Variants in OLFML1 observed in about 807,000 individuals in gnomAD.
OLFML1 encodes the protein olfactomedin like 1.
Under a neutral mutation model 37.3 loss-of-function variants are expected in OLFML1, and 33 were observed. The observed-to-expected ratio is 0.88, with a 90% CI of 0.67 to 1.18. The LOEUF is 1.18. OLFML1 is among the 50% of genes most tolerant of loss of function. OLFML1 has a pLI of 0.00. For synonymous variants in OLFML1, 186 were observed against 181.3 expected, an observed-to-expected ratio of 1.03 and a Z score of -0.21; for missense variants, 545 against 483.7, an observed-to-expected ratio of 1.13 and a Z score of -1.19.
At chr11:7,493,170 G>T (rs2134178063) in intron 2 of OLFML1, among the ~76,000 whole-genome samples, 1 of 152,302 alleles carries the variant, frequency 6.6e-6, no homozygotes, top group South Asian at 2.1e-4. Context: ...TGCACAAAAA[G>T]TTACCTCAAG....
intron 2 of OLFML1, chr11:7,504,974 C>T (rs1279164096): frequency 6.7e-6 from 1 of 150,122 alleles, no homozygotes; most frequent in East Asian, 1.9e-4. Flanking sequence ...CTCACTCAGG[C>T]TGGAAAGCAG....
In OLFML1 at chr11:7,497,002, C is replaced by A. The variant is rs535751237; in HGVS notation, c.418+8587C>A. Among the ~76,000 whole-genome samples, 6 of 152,288 alleles carry A rather than the reference C, an allele frequency of 3.9e-5. No individual in the cohort carries two copies. The South Asian group carries it at 1.2e-3, about 32-fold the overall frequency. Reference sequence around the variant, plus strand: ...CCTTGATCATGCCATTGTACTCCAGCCTGGGTGATAGAGAAAGACCCTGTC... The same window carrying A: ...CCTTGATCATGCCATTGTACTCCAGACTGGGTGATAGAGAAAGACCCTGTC... On this transcript the variant is annotated intron_variant, in intron 2 of 2. Coordinates refer to ENST00000329293, the MANE Select transcript of OLFML1 (RefSeq NM_198474.4).
At position 7,488,011 on chromosome 11, in the gene OLFML1, T is replaced by C. The variant is rs185732588; in HGVS notation, c.130-116T>C. On this transcript the variant is annotated intron_variant, in intron 1 of 2. Transcript: ENST00000329293. ...AGGAATTATGGGAGATTTCAATTTT[T>C]CCCCTATTTGATGATGTGTAATTTT... The C allele has an allele frequency of 1.1e-3, 786 of 685,164 alleles. 11 individuals are homozygous for C. The Admixed American group carries it at 0.023, about 20-fold the overall frequency. 42.4% of individuals were successfully genotyped at this position (685,164 alleles called of 1,614,324 possible). A position where few individuals can be genotyped will look rare whatever the true frequency, so the allele number is the denominator to read the frequency against.
intron 2 of OLFML1, 169 bp downstream of exon 2, chr11:7,488,584 A>T: frequency 1.8e-6 from 1 of 548,940 alleles, no homozygotes. Context: ...GTGTCCAAAG[A>T]GAAATCCATT....
intron 2 of OLFML1, among the ~76,000 whole-genome samples, chr11:7,490,945 T>C (rs1342808719): frequency 6.6e-6 from 1 of 152,058 alleles, no homozygotes. Flanking sequence ...TTACCATCAA[T>C]TATCAACAAC....
intron 2 of OLFML1, among the ~76,000 whole-genome samples, chr11:7,507,356 T>C (rs954402061): frequency 2.0e-5 from 3 of 152,166 alleles, no homozygotes; most frequent in African/African-American, 7.2e-5. Flanking sequence ...AGCTTGACCT[T>C]GTAGAACAGT....
chr11:7,501,577 C>T (rs1848725972), intron 2 of OLFML1, among the ~76,000 whole-genome samples: 2 of 152,216 alleles, frequency 1.3e-5, no homozygotes, highest in South Asian at 4.1e-4. Flanking sequence ...CCAGTGATGT[C>T]ATGACCACTG....
intron 2 of OLFML1, among the ~76,000 whole-genome samples, chr11:7,489,317 G>C (rs779671340): frequency 1.3e-5 from 2 of 152,130 alleles, no homozygotes; most frequent in Non-Finnish European, 2.9e-5. Flanking sequence ...TTTGAACAAA[G>C]AAGTTAGAAA....
intron 1 of OLFML1, 86 bp downstream of exon 1, chr11:7,486,090 G>T: frequency 7.6e-7 from 1 of 1,322,120 alleles, no homozygotes; most frequent in Non-Finnish European, 1.1e-6. Context: ...CTACTGGGTT[G>T]TATTTTTCCC....
At chr11:7,508,068 A>G (rs1848806992) in intron 2 of OLFML1, among the ~76,000 whole-genome samples, 1 of 152,256 alleles carries the variant, frequency 6.6e-6, no homozygotes, top group African/African-American at 2.4e-5. Flanking sequence ...TAAGCTAGGA[A>G]AAGAAAATGT....
In OLFML1 at chr11:7,510,997, T is replaced by G. The variant is rs1848852769; in HGVS notation, c.*809T>G. ...GCACAAGTCTTTACAGCTGTCATTCTAGAGTTTAGGTGAGTAACACAATTA... is the reference window on the plus strand; with the variant it reads ...GCACAAGTCTTTACAGCTGTCATTCGAGAGTTTAGGTGAGTAACACAATTA... On this transcript the variant is annotated 3_prime_UTR_variant, in exon 3 of 3. Transcript: ENST00000329293. 1 of 152,260 alleles carries G rather than the reference T, an allele frequency of 6.6e-6. No individual in the cohort carries two copies. Among genetic ancestry groups the G allele is most frequent in the Non-Finnish European group, 1.5e-5 (1 of 68,044 alleles). 9.4% of individuals were successfully genotyped at this position (152,260 alleles called of 1,614,324 possible). A position where few individuals can be genotyped will look rare whatever the true frequency, so the allele number is the denominator to read the frequency against.
intron 2 of OLFML1, among the ~76,000 whole-genome samples, chr11:7,506,603 C>T (rs766570038): frequency 8.5e-5 from 13 of 152,132 alleles, no homozygotes; most frequent in Non-Finnish European, 1.5e-4. Flanking sequence ...GCTCAGCTGA[C>T]ATCGGAGACC....
chr11:7,488,018 T>C (rs1848544614), intron 1 of OLFML1, 109 bp from the exon 2 acceptor site: 11 of 738,422 alleles, frequency 1.5e-5, no homozygotes, highest in Non-Finnish European at 2.4e-5. Flanking sequence ...TTTTCCCCTA[T>C]TTGATGATGT....
chr11:7,509,953 G>A lies in OLFML1; in HGVS notation c.974G>A (p.Gly325Glu). Reference sequence around the variant, plus strand: ...GCTGAAGCCTCATTCCTCTTGTGTGGGGTTCTCTATGTGGTCTACAGTACT... The same window carrying A: ...GCTGAAGCCTCATTCCTCTTGTGTGAGGTTCTCTATGTGGTCTACAGTACT... ...QDAEASFLLC[G>E]VLYVVYSTGG... Residue 325 changes from glycine to glutamate, a missense_variant, in exon 3 of 3, where the codon GGG becomes GAG. Transcript: ENST00000329293. 1.2e-6 allele frequency: 2 copies of A among 1,614,236 alleles called. No individual in the cohort carries two copies. Among genetic ancestry groups the A allele is most frequent in the South Asian group, 1.1e-5 (1 of 91,090 alleles).
intron 2 of OLFML1, among the ~76,000 whole-genome samples, chr11:7,502,687 C>T (rs1418495077): frequency 6.6e-6 from 1 of 151,806 alleles, no homozygotes; most frequent in Non-Finnish European, 1.5e-5. Flanking sequence ...CTTACTGCAA[C>T]CTCTGCCTCC....
rs529348823 is a variant in OLFML1 at position 7,510,269 on chromosome 11, T to C, written c.*81T>C. 6.4e-6 allele frequency: 7 copies of C among 1,093,048 alleles called. No individual in the cohort carries two copies. The highest frequency in any genetic ancestry group is 5.0e-5 in the Admixed American group (2 of 40,110). 67.7% of individuals were successfully genotyped at this position (1,093,048 alleles called of 1,614,324 possible). A position where few individuals can be genotyped will look rare whatever the true frequency, so the allele number is the denominator to read the frequency against. ...GTGAGGCTATAGCCCCTTCACAATA[T>C]AGTATCCCTCTAATCACACACAGGA... On this transcript the variant is annotated 3_prime_UTR_variant, in exon 3 of 3. Coordinates refer to ENST00000329293, the MANE Select transcript of OLFML1 (RefSeq NM_198474.4).
At chr11:7,503,654 C>A (rs924942579) in intron 2 of OLFML1, among the ~76,000 whole-genome samples, 2 of 152,160 alleles carry the variant, frequency 1.3e-5, no homozygotes, top group African/African-American at 4.8e-5. Context: ...AAATGGGGCC[C>A]TGCTAGTAGG....
At chr11:7,490,008 C>T (rs564461537) in intron 2 of OLFML1, among the ~76,000 whole-genome samples, 1 of 152,012 alleles carries the variant, frequency 6.6e-6, no homozygotes, top group South Asian at 2.1e-4. Flanking sequence ...AATGCTGTGT[C>T]TCCAGTGCCT....
At chr11:7,507,634 C>T (rs1011245000) in intron 2 of OLFML1, among the ~76,000 whole-genome samples, 3 of 151,850 alleles carry the variant, frequency 2.0e-5, no homozygotes, top group South Asian at 4.2e-4. Flanking sequence ...CTGCAATGTC[C>T]GCCTCCTGGG....
Sources: allele counts gnomAD v4.1 joint callset (sites outside exome capture counted in the v4.1 genomes callset), GRCh38; gene constraint gnomAD v4.1.1; transcripts MANE v1.5; gene names NCBI Gene and HGNC (gene_info 2026-07-23, HGNC 2026-07-21).